Variants in EPHX2 observed in about 807,000 individuals in gnomAD.
The protein encoded by EPHX2 is epoxide hydrolase 2, also known as bifunctional epoxide hydrolase 2.
Under a neutral mutation model 78.7 loss-of-function variants are expected in EPHX2, and 74 were observed. The observed-to-expected ratio is 0.94, with a 90% CI of 0.78 to 1.14. The LOEUF (loss-of-function observed/expected upper bound fraction) is 1.14. Ranked by LOEUF, EPHX2 falls within the 50% of genes most tolerant of loss-of-function variation. The probability of loss-of-function intolerance (pLI) is 0.00; values close to 1 mark genes in which losing one functional copy is unlikely to be tolerated. For synonymous variants in EPHX2, 251 were observed against 255.2 expected, an observed-to-expected ratio of 0.98 and a Z score of 0.16; for missense variants, 715 against 702.5, an observed-to-expected ratio of 1.02 and a Z score of -0.20.
chr8:27,528,787 C>T (rs1814932388), intron 12 of EPHX2, among the ~76,000 whole-genome samples: 1 of 152,090 alleles, frequency 6.6e-6, no homozygotes, highest in South Asian at 2.1e-4. Flanking sequence ...GTCTCCCCCA[C>T]TTATTTTTTT....
At chr8:27,512,278 T>C (rs1432406433) in intron 6 of EPHX2, among the ~76,000 whole-genome samples, 3 of 152,116 alleles carry the variant, frequency 2.0e-5, no homozygotes, top group Non-Finnish European at 4.4e-5. Flanking sequence ...CAAACCCCCA[T>C]AGAACAGCAG....
intron 4 of EPHX2, among the ~76,000 whole-genome samples, chr8:27,506,017 C>G (rs1288014304): frequency 6.6e-6 from 1 of 152,038 alleles, no homozygotes; most frequent in Non-Finnish European, 1.5e-5. Context: ...GAGACAGAGC[C>G]TCACTCTGTC....
intron 1 of EPHX2, among the ~76,000 whole-genome samples, chr8:27,498,272 G>C (rs145278391): frequency 1.3e-4 from 20 of 152,318 alleles, no homozygotes; most frequent in African/African-American, 4.6e-4. Flanking sequence ...TGGTCCCTTG[G>C]AGATTTCTTT....
chr8:27,520,751 G>C, intron 9 of EPHX2, 132 bp from the exon 10 acceptor site: 1 of 1,033,752 alleles, frequency 9.7e-7, no homozygotes, highest in Non-Finnish European at 1.5e-6. Flanking sequence ...TTCAAAAACA[G>C]TCCCATTCTG....
chr8:27,534,273 G>A (rs559485559), intron 12 of EPHX2, among the ~76,000 whole-genome samples: 45 of 152,286 alleles, frequency 3.0e-4, no homozygotes, highest in Non-Finnish European at 3.2e-4. Flanking sequence ...ATCCAGCACC[G>A]CCAGATGATC....
downstream of EPHX2, among the ~76,000 whole-genome samples, chr8:27,548,147 C>T (rs1013491301): frequency 1.3e-5 from 2 of 152,184 alleles, no homozygotes; most frequent in Non-Finnish European, 1.5e-5. Flanking sequence ...TTCCAGGAGA[C>T]CCGTCTTCTA....
chr8:27,520,006 C>CT (rs552549981), intron 9 of EPHX2, among the ~76,000 whole-genome samples: 14,548 of 141,132 alleles, frequency 0.1, 715 homozygotes, highest in African/African-American at 0.12. Context: ...CTTTTCTTTT[C>CT]TTTTTTTTTT....
At chr8:27,536,090 C>T (rs2132790157) in intron 12 of EPHX2, among the ~76,000 whole-genome samples, 1 of 152,266 alleles carries the variant, frequency 6.6e-6, no homozygotes, top group Admixed American at 6.5e-5. Flanking sequence ...CCATACTGCT[C>T]CCAAGAACTG....
At chr8:27,540,518 G>C (rs200954708) in intron 14 of EPHX2, 36 bp from the exon 15 acceptor site, 1 of 1,596,194 alleles carries the variant, frequency 6.3e-7, no homozygotes, top group African/African-American at 1.3e-5. Flanking sequence ...CACCTGGCCC[G>C]GGGATGGGAA....
intron 3 of EPHX2, 96 bp from the exon 4 acceptor site, chr8:27,504,860 C>A: frequency 7.7e-7 from 1 of 1,298,936 alleles, no homozygotes; most frequent in Non-Finnish European, 1.1e-6. Flanking sequence ...GTGAGCACAA[C>A]CTGCTTGGCC....
chr8:27,511,642 A>G (rs1179880914), intron 5 of EPHX2, among the ~76,000 whole-genome samples, 194 bp from the exon 6 acceptor site: 1 of 152,154 alleles, frequency 6.6e-6, no homozygotes, highest in African/African-American at 2.4e-5. Flanking sequence ...GCTCCACTCA[A>G]CTGGAAGGCA....
chr8:27,505,142 G>T lies in EPHX2; in HGVS notation c.533G>T (p.Ser178Ile). ...CTGGACACCCTGAAGGCCAGCCCCAGTGAGGTACGGAGACACTTCCTTATG... is the reference window on the plus strand; with the variant it reads ...CTGGACACCCTGAAGGCCAGCCCCATTGAGGTACGGAGACACTTCCTTATG... Reference protein sequence around the residue: ...FLLDTLKASPSEVVFLDDIGA... With the variant: ...FLLDTLKASPIEVVFLDDIGA... The change falls in exon 4 of 19, where the codon AGT becomes ATT. Residue 178 changes from serine to isoleucine, a missense_variant. Physicochemically the swap from Ser to Ile is moderately radical, Grantham distance 142 (BLOSUM62 -2). Coordinates refer to ENST00000521400, the MANE Select transcript of EPHX2 (RefSeq NM_001979.6). The T allele has an allele frequency of 8.1e-6, 13 of 1,613,600 alleles. No individual in the cohort carries two copies. The highest frequency in any genetic ancestry group is 1.1e-5 in the Non-Finnish European group (13 of 1,179,738).
At chr8:27,530,993 C>T (rs887947592) in intron 12 of EPHX2, among the ~76,000 whole-genome samples, 27 of 152,020 alleles carry the variant, frequency 1.8e-4, no homozygotes, top group Middle Eastern at 3.4e-3. Flanking sequence ...GAACTCCCAC[C>T]CTCAGGTGAC....
chr8:27,546,742 A>G (rs1399911919), downstream of EPHX2, among the ~76,000 whole-genome samples: 3 of 152,264 alleles, frequency 2.0e-5, no homozygotes, highest in Non-Finnish European at 4.4e-5. Context: ...GTAAGAGTTG[A>G]ATAACTCCAT....
At chr8:27,493,048 G>C (rs1813439868) in intron 1 of EPHX2, 2 of 162,076 alleles carry the variant, frequency 1.2e-5, no homozygotes, top group African/African-American at 4.8e-5. Context: ...GCAGTCCTCG[G>C]TAGAAGTTGT....
intron 5 of EPHX2, among the ~76,000 whole-genome samples, chr8:27,508,599 C>T (rs1814107774): frequency 6.6e-6 from 1 of 152,182 alleles, no homozygotes; most frequent in African/African-American, 2.4e-5. Flanking sequence ...GCCACAGATA[C>T]CTGTCCTGTG....
At chr8:27,526,034 T>G (rs1245669428) in intron 12 of EPHX2, among the ~76,000 whole-genome samples, 1 of 152,220 alleles carries the variant, frequency 6.6e-6, no homozygotes, top group Non-Finnish European at 1.5e-5. Flanking sequence ...ACAGCTGCCC[T>G]CTTCTGTGGG....
Position 27,544,660 on chromosome 8 carries a change from G to T in EPHX2, c.*138G>T. The T allele has an allele frequency of 1.2e-6, 1 of 824,310 alleles. No homozygotes were observed. Among genetic ancestry groups the T allele is most frequent in the Non-Finnish European group, 1.9e-6 (1 of 514,158 alleles). 51.1% of individuals were successfully genotyped at this position (824,310 alleles called of 1,614,324 possible). On this transcript the variant is annotated 3_prime_UTR_variant, in exon 19 of 19. Transcript: ENST00000521400. ...TCTGAAGGGGTTTGCAGAAAAAAAA[G>T]ATTTTCTTTACATAAAGTGAATCAA...
At chr8:27,493,383 G>A (rs1458659345) in intron 1 of EPHX2, among the ~76,000 whole-genome samples, 1 of 152,218 alleles carries the variant, frequency 6.6e-6, no homozygotes, top group Non-Finnish European at 1.5e-5. Context: ...TCAGCAGTGA[G>A]GAGGTCTAGA....
Sources: allele counts gnomAD v4.1 joint callset (sites outside exome capture counted in the v4.1 genomes callset), GRCh38; gene constraint gnomAD v4.1.1; transcripts MANE v1.5; gene names NCBI Gene and HGNC (gene_info 2026-07-23, HGNC 2026-07-21).